The following DOCK6 variants were observed in gnomAD, a reference collection of about 807,000 sequenced individuals.
DOCK6 encodes the protein dedicator of cytokinesis 6, also known as dedicator of cytokinesis protein 6.
Under a neutral mutation model 230.3 loss-of-function variants are expected in DOCK6, and 167 were observed. That is an observed-to-expected ratio of 0.73 (90% CI 0.64 to 0.82). The LOEUF (loss-of-function observed/expected upper bound fraction) is 0.82. Ranked by LOEUF, DOCK6 falls within the 40% of genes least tolerant of loss-of-function variation. The pLI is 0.00. For synonymous variants in DOCK6, 1,148 were observed against 1,185.0 expected (o/e 0.97, Z 0.64); for missense variants, 2,598 against 2,825.8 (o/e 0.92, Z 1.83).
intron 1 of DOCK6, 43 bp from the exon 2 acceptor site, chr19:11,253,769 G>A (rs373249791): frequency 4.6e-6 from 6 of 1,318,444 alleles, no homozygotes; most frequent in East Asian, 5.9e-5. Flanking sequence ...GGAAAACTCA[G>A]GCAGCGGAGC....
chr19:11,212,251 T>C, intron 35 of DOCK6, 100 bp from the exon 36 acceptor site: 1 of 1,295,782 alleles, frequency 7.7e-7, no homozygotes, highest in Non-Finnish European at 1.0e-6. Context: ...GCGTTCTTTA[T>C]TTTTTTTGAG....
chr19:11,241,934 T>C, intron 14 of DOCK6, 111 bp downstream of exon 14: 1 of 1,393,800 alleles, frequency 7.2e-7, no homozygotes, highest in Non-Finnish European at 9.7e-7. Context: ...AGCAGAGTCG[T>C]GGCATCTCAC....
At chr19:11,245,424 G>C (rs2080016551) in intron 9 of DOCK6, 139 bp downstream of exon 9, 3 of 943,104 alleles carry the variant, frequency 3.2e-6, no homozygotes, top group East Asian at 5.3e-5. Flanking sequence ...TTGGATCAGG[G>C]GCCTCCTCCC....
intron 14 of DOCK6, chr19:11,240,216 CG>C (rs772756752): frequency 2.6e-5 from 40 of 1,567,018 alleles, no homozygotes; most frequent in African/African-American, 6.8e-5. Context: ...GAAGGTGCTA[CG>C]GGACAGCGTG....
In DOCK6 at chr19:11,243,921, G is replaced by A. The variant is rs772748992; in HGVS notation, c.1024-39C>T. ...GAATGAATCCAGTGAGGCGCTGCCCGAACGCTCTGTTCCCCCGTGCTGGCT... is the reference window on the plus strand; with the variant it reads ...GAATGAATCCAGTGAGGCGCTGCCCAAACGCTCTGTTCCCCCGTGCTGGCT... On this transcript the variant is annotated intron_variant, in intron 9 of 47. Transcript: ENST00000294618. This position sits in a 1 kb window ranked among gnomAD's most constrained non-coding sequence, Gnocchi z 6.3. 1.9e-6 allele frequency: 3 copies of A among 1,570,934 alleles called. No homozygotes were observed. Among genetic ancestry groups the A allele is most frequent in the South Asian group, 1.2e-5 (1 of 85,540 alleles).
intron 21 of DOCK6, 146 bp from the exon 22 acceptor site, chr19:11,233,512 G>T: frequency 9.5e-7 from 1 of 1,057,240 alleles, no homozygotes; most frequent in Non-Finnish European, 1.3e-6. Flanking sequence ...AATGGCTGCC[G>T]CCTCACAGAG....
At chr19:11,214,829 C>CAG (rs1016582160) in intron 32 of DOCK6, among the ~76,000 whole-genome samples, 180 bp from the exon 33 acceptor site, 12 of 151,918 alleles carry the variant, frequency 7.9e-5, no homozygotes, top group Admixed American at 4.6e-4. Context: ...GGCTGGAGTG[C>CAG]AGTGGTGTGA....
chr19:11,216,934 G>C lies in DOCK6; in HGVS notation c.3874C>G (p.Leu1292Val). 6 of 1,613,730 alleles carry C rather than the reference G, an allele frequency of 3.7e-6. No individual in the cohort carries two copies. The South Asian group carries it at 6.6e-5, about 18-fold the overall frequency. Reference sequence around the variant, plus strand: ...CAAACCTTGTACTCAAAGGCAGCTAGGCAAAGGTACAGCAAATCCAACAGA... The same window carrying C: ...CAAACCTTGTACTCAAAGGCAGCTACGCAAAGGTACAGCAAATCCAACAGA... ...GRLLDLLYLCLAAFEYKGKKA... is the reference protein window; with the variant it reads ...GRLLDLLYLCVAAFEYKGKKA... The change falls in exon 30 of 48, where the codon CTA becomes GTA. Residue 1292 changes from leucine to valine, a missense_variant. Coordinates refer to ENST00000294618, the MANE Select transcript of DOCK6 (RefSeq NM_020812.4).
rs2079307311 is a variant in DOCK6 at position 11,208,719 on chromosome 19, C to G, written c.5055G>C (p.Gly1685=). The change falls in exon 39 of 48, where the codon GGG becomes GGC. Residue 1685 remains glycine, a synonymous_variant. Transcript: ENST00000294618. ...GKHFTELGLV[G]LLEQAAGYFT... ...AGTAGCCGGCTGCCTGTTCCAGCAACCCTACCAGCCCCAGCTCAGTGAAGT... is the reference window on the plus strand; with the variant it reads ...AGTAGCCGGCTGCCTGTTCCAGCAAGCCTACCAGCCCCAGCTCAGTGAAGT... 1 of 1,613,064 alleles carries G rather than the reference C, an allele frequency of 6.2e-7. No individual in the cohort carries two copies. Among genetic ancestry groups the G allele is most frequent in the African/African-American group, 1.3e-5 (1 of 74,926 alleles).
chr19:11,259,433 G>A (rs181425253), intron 1 of DOCK6, among the ~76,000 whole-genome samples: 2,729 of 147,556 alleles, frequency 0.018, 84 homozygotes, highest in African/African-American at 0.064. Flanking sequence ...TTCAAGGATG[G>A]GGGAGAGAGA....
At position 11,243,012 on chromosome 19, in the gene DOCK6, T is replaced by C. The variant is rs375363491; in HGVS notation, c.1480+47A>G. ...GTGCTCTCAGTGTAGGTTTGTTGAG[T>C]GGCTGAGTGAGAGTGATACTTCTTG... is the stretch of plus-strand genomic sequence containing the variant. On this transcript the variant is annotated intron_variant, in intron 13 of 47. Coordinates refer to ENST00000294618, the MANE Select transcript of DOCK6 (RefSeq NM_020812.4). This position sits in a 1 kb window ranked among gnomAD's most constrained non-coding sequence, Gnocchi z 6.3. 4.8e-5 allele frequency: 77 copies of C among 1,605,738 alleles called. 1 individual carries two copies. In the Middle Eastern group the frequency reaches 6.6e-4, roughly 14 times the overall value.
rs779692237 is a variant in DOCK6 at position 11,237,465 on chromosome 19, G to A, written c.2064C>T (p.Leu688=). ...VDQPPPSYSV[L]TPDVALPGMR... The stretch of plus-strand genomic sequence containing the variant: ...GCTCCAGGGCACATACATCGGGTGT[G>A]AGCACGGAATAGCTGGGCGGCGGCT... Residue 688 remains leucine, a synonymous_variant, in exon 18 of 48, where the codon CTC becomes CTT. Transcript: ENST00000294618. 21 of 1,613,440 alleles carry A rather than the reference G, an allele frequency of 1.3e-5. No individual in the cohort carries two copies. In the African/African-American group the frequency reaches 2.3e-4, roughly 17 times the overall value.
intron 14 of DOCK6, chr19:11,239,580 G>T (rs1480789685): frequency 6.3e-7 from 1 of 1,596,692 alleles, no homozygotes; most frequent in Non-Finnish European, 8.5e-7. Flanking sequence ...ATCAGTGGGG[G>T]TATGAGGCAT....
chr19:11,219,421 C>T (rs957936217), intron 28 of DOCK6, among the ~76,000 whole-genome samples: 2 of 150,852 alleles, frequency 1.3e-5, no homozygotes, highest in Admixed American at 6.6e-5. Context: ...AACTCCTGAC[C>T]TTGTGATCCG....
At chr19:11,237,303 A>AC in intron 18 of DOCK6, 153 bp downstream of exon 18, 1 of 733,454 alleles carries the variant, frequency 1.4e-6, no homozygotes, top group Non-Finnish European at 2.3e-6. Flanking sequence ...GGACACAGAG[A>AC]GGCATTAATA....
At chr19:11,260,874 C>G (rs2080272673) in intron 1 of DOCK6, among the ~76,000 whole-genome samples, 2 of 6,346 alleles carry the variant, frequency 3.2e-4, no homozygotes, top group Non-Finnish European at 8.7e-4. Context: ...CAGAGCGAGA[C>G]TCTGTCTCAA....
At position 11,200,667 on chromosome 19, in the gene DOCK6, A is replaced by G. The variant is rs201751543; in HGVS notation, c.5939+49T>C. On this transcript the variant is annotated intron_variant, in intron 46 of 47. Coordinates refer to ENST00000294618, the MANE Select transcript of DOCK6 (RefSeq NM_020812.4). The surrounding 1 kb of genome is among the most constrained non-coding windows in gnomAD (Gnocchi z 4.3). The stretch of plus-strand genomic sequence containing the variant: ...GATCAGATGGGCAGAGAGCAGGCCT[A>G]TGCAGGTTAGGCAGACACGAGACCC... The G allele has an allele frequency of 1.9e-6, 3 of 1,550,846 alleles. No homozygotes were observed. The highest frequency in any genetic ancestry group is 1.4e-5 in the African/African-American group (1 of 73,814).
At chr19:11,223,209 G>T in intron 24 of DOCK6, 103 bp from the exon 25 acceptor site, 1 of 1,022,220 alleles carries the variant, frequency 9.8e-7, no homozygotes, top group African/African-American at 1.6e-5. Flanking sequence ...CTGTATCACT[G>T]CCCCAAAGCC....
At chr19:11,207,930 C>T (rs2147721603) in intron 39 of DOCK6, among the ~76,000 whole-genome samples, 1 of 151,508 alleles carries the variant, frequency 6.6e-6, no homozygotes, top group East Asian at 2.0e-4. Flanking sequence ...GGTCCTGTCT[C>T]AAAAAATATC....
Sources: allele counts gnomAD v4.1 joint callset (sites outside exome capture counted in the v4.1 genomes callset), GRCh38; gene constraint gnomAD v4.1.1; non-coding constraint Gnocchi (gnomAD v3.1); transcripts MANE v1.5; gene names NCBI Gene and HGNC (gene_info 2026-07-23, HGNC 2026-07-21).